The following TRPC4 variants were observed in gnomAD, a reference collection of about 807,000 sequenced individuals.
The protein encoded by TRPC4 is short transient receptor potential channel 4.
In TRPC4, 49 loss-of-function variants were observed where a neutral mutation model predicts 99.4. That is an observed-to-expected ratio of 0.49 (90% CI 0.39 to 0.63). The LOEUF (loss-of-function observed/expected upper bound fraction) is 0.63, where lower values mean the gene tolerates loss of function less well. Among genes scored for constraint, TRPC4 ranks in the 20% least tolerant of loss-of-function variants. The probability of loss-of-function intolerance (pLI) is 0.00; values close to 1 mark genes in which losing one functional copy is unlikely to be tolerated. For synonymous variants in TRPC4, 454 were observed against 425.9 expected, an observed-to-expected ratio of 1.07 and a Z score of -0.81; for missense variants, 898 against 1,152.9, an observed-to-expected ratio of 0.78 and a Z score of 3.20.
At chr13:37,828,001 A>G (rs1355170455) in intron 1 of TRPC4, among the ~76,000 whole-genome samples, 1 of 152,126 alleles carries the variant, frequency 6.6e-6, no homozygotes, top group Non-Finnish European at 1.5e-5. Flanking sequence ...CCCGTCGGAA[A>G]AGTGCAGTAC....
intron 1 of TRPC4, among the ~76,000 whole-genome samples, chr13:37,843,620 T>C (rs1958802190): frequency 6.6e-6 from 1 of 152,050 alleles, no homozygotes; most frequent in Non-Finnish European, 1.5e-5. Flanking sequence ...CAAAAATGAT[T>C]TCAGTCCTGA....
chr13:37,709,362 CA>C (rs1371323396), intron 3 of TRPC4, among the ~76,000 whole-genome samples: 1 of 151,788 alleles, frequency 6.6e-6, no homozygotes, highest in African/African-American at 2.4e-5. Context: ...GGATATTAAC[CA>C]AGCATAAAAT....
intron 3 of TRPC4, among the ~76,000 whole-genome samples, chr13:37,734,379 C>T (rs1394135597): frequency 1.3e-5 from 2 of 152,164 alleles, no homozygotes; most frequent in East Asian, 1.9e-4. Flanking sequence ...TTGCTGTGTT[C>T]TCATTTTGCC....
intron 2 of TRPC4, among the ~76,000 whole-genome samples, chr13:37,756,524 CT>C (rs1412139367): frequency 3.2e-4 from 45 of 141,566 alleles, no homozygotes; most frequent in Middle Eastern, 3.7e-3. Context: ...ACACTAATAG[CT>C]TTTTTTTTTC....
intron 3 of TRPC4, among the ~76,000 whole-genome samples, chr13:37,729,466 G>A (rs1265216419): frequency 6.6e-6 from 1 of 152,070 alleles, no homozygotes; most frequent in Non-Finnish European, 1.5e-5. Context: ...ATATGATTCA[G>A]AAGTTCCACT....
intron 2 of TRPC4, among the ~76,000 whole-genome samples, chr13:37,771,364 T>C (rs746310801): frequency 1.3e-5 from 2 of 151,802 alleles, no homozygotes; most frequent in Non-Finnish European, 2.9e-5. Context: ...TGCTCTGCTA[T>C]AGCAAAATTG....
intron 3 of TRPC4, among the ~76,000 whole-genome samples, chr13:37,736,392 A>T (rs1206027222): frequency 2.6e-5 from 4 of 152,180 alleles, no homozygotes; most frequent in Non-Finnish European, 5.9e-5. Context: ...ATTCTGCCTT[A>T]TATCTTTTTT....
At chr13:37,775,471 G>A (rs1956673465) in intron 2 of TRPC4, among the ~76,000 whole-genome samples, 2 of 150,586 alleles carry the variant, frequency 1.3e-5, no homozygotes, top group Admixed American at 6.6e-5. Flanking sequence ...ACAGGTAAAC[G>A]TGTGTCACGG....
At chr13:37,778,345 A>G (rs1044187156) in intron 2 of TRPC4, among the ~76,000 whole-genome samples, 6 of 152,042 alleles carry the variant, frequency 3.9e-5, no homozygotes, top group African/African-American at 1.4e-4. Context: ...AGGATAATAT[A>G]AAGATTAAGT....
intron 3 of TRPC4, among the ~76,000 whole-genome samples, chr13:37,741,589 A>G (rs949182666): frequency 9.9e-5 from 15 of 152,192 alleles, no homozygotes; most frequent in African/African-American, 3.6e-4. Context: ...GAAACGTAAA[A>G]GTGGAGTAAG....
At chr13:37,743,728 A>C (rs1273073342) in intron 3 of TRPC4, among the ~76,000 whole-genome samples, 1 of 152,198 alleles carries the variant, frequency 6.6e-6, no homozygotes, top group African/African-American at 2.4e-5. Context: ...AAATATAAAT[A>C]TAAATATGCA....
At chr13:37,662,309 T>TA (rs58318459) in intron 6 of TRPC4, among the ~76,000 whole-genome samples, 37 of 148,544 alleles carry the variant, frequency 2.5e-4, no homozygotes, top group East Asian at 7.9e-4. Context: ...AACTCTGCCT[T>TA]AAAAAAAAAA....
chr13:37,745,884 C>T (rs41292235), intron 3 of TRPC4, 53 bp downstream of exon 3: 44,625 of 1,549,366 alleles, frequency 0.029, 828 homozygotes, highest in Non-Finnish European at 0.032. Context: ...CAGTTTGCTT[C>T]ACTGTGATTA....
At chr13:37,673,020 T>A (rs961668901) in intron 5 of TRPC4, among the ~76,000 whole-genome samples, 1 of 151,996 alleles carries the variant, frequency 6.6e-6, no homozygotes, top group Non-Finnish European at 1.5e-5. Flanking sequence ...TAGGTATACA[T>A]GTGCTGTGTT....
At chr13:37,844,700 AC>A (rs1242008949) in intron 1 of TRPC4, among the ~76,000 whole-genome samples, 1 of 151,524 alleles carries the variant, frequency 6.6e-6, no homozygotes, top group East Asian at 1.9e-4. Context: ...GTCAGTGAGT[AC>A]CCGTGAATAG....
intron 1 of TRPC4, among the ~76,000 whole-genome samples, chr13:37,818,369 C>T (rs1392584201): frequency 6.6e-6 from 1 of 152,038 alleles, no homozygotes; most frequent in African/African-American, 2.4e-5. Context: ...TAAATTAGTT[C>T]AACCATTGGG....
At chr13:37,647,263 A>G (rs1951882455) in intron 8 of TRPC4, among the ~76,000 whole-genome samples, 1 of 152,122 alleles carries the variant, frequency 6.6e-6, no homozygotes, top group Non-Finnish European at 1.5e-5. Context: ...GTGAACTACA[A>G]ATGGGAAGGT....
chr13:37,692,302 C>CTAG lies in TRPC4; in HGVS notation c.930_931insCTA (p.Leu310dup). 6.2e-7 allele frequency: 1 copy of CTAG among 1,613,862 alleles called. No homozygotes were observed. Among genetic ancestry groups the CTAG allele is most frequent in the Non-Finnish European group, 8.5e-7 (1 of 1,179,894 alleles). On this transcript the variant is annotated inframe_insertion, in exon 4 of 11. Coordinates refer to ENST00000379705, the MANE Select transcript of TRPC4 (RefSeq NM_016179.4). ...GGAAACTCATCGTACCAGCGAGATG[C>CTAG]CAGCAGCTGTTGACAATTGGGCTGG...
rs67611413 is a variant in TRPC4, at chr13:37,698,167, C to CTTTTTTTTTTTTTTTTTTTTTTTTTTTTT, written c.898-5833_898-5832insAAAAAAAAAAAAAAAAAAAAAAAAAAAAA. 4.4e-3 allele frequency among the ~76,000 whole-genome samples: 188 copies of CTTTTTTTTTTTTTTTTTTTTTTTTTTTTT among 42,558 alleles called. 79 individuals carry two copies. The highest frequency in any genetic ancestry group is 0.018 in the East Asian group (18 of 1,024). The allele number at this position is 42,558 out of a possible 152,430, so 27.9% of individuals were successfully genotyped here. The stretch of plus-strand genomic sequence containing the variant: ...TCTCAAGGTTACTCCAAGGACTAAC[C>CTTTTTTTTTTTTTTTTTTTTTTTTTTTTT]TTTTTTTTTTTGAGTGGGAATCTCA... On this transcript the variant is annotated intron_variant, in intron 3 of 10. Coordinates refer to ENST00000379705, the MANE Select transcript of TRPC4 (RefSeq NM_016179.4).
Sources: allele counts gnomAD v4.1 joint callset (sites outside exome capture counted in the v4.1 genomes callset), GRCh38; gene constraint gnomAD v4.1.1; transcripts MANE v1.5; gene names NCBI Gene and HGNC (gene_info 2026-07-23, HGNC 2026-07-21).